DOCK1: variants seen among roughly 807,000 people sequenced by gnomAD.
The protein encoded by DOCK1 is dedicator of cytokinesis protein 1.
In DOCK1, 138 loss-of-function variants were observed where a neutral mutation model predicts 262.7. The ratio of observed to expected loss-of-function variants is 0.53; its 90% CI spans 0.46 to 0.61. The LOEUF is 0.61. DOCK1 is among the 20% of genes least tolerant of loss of function. DOCK1 has a pLI of 0.00. For missense variants in DOCK1, 1,908 were observed against 2,370.7 expected, an observed-to-expected ratio of 0.80 and a Z score of 4.05; for synonymous variants, 866 against 867.4, an observed-to-expected ratio of 1.00 and a Z score of 0.03.
chr10:126,981,406 G>A (rs1164874969), intron 3 of DOCK1, among the ~76,000 whole-genome samples: 2 of 152,200 alleles, frequency 1.3e-5, no homozygotes, highest in African/African-American at 4.8e-5. Flanking sequence ...GTACCCCCAG[G>A]TGTTGTGCAG....
chr10:127,308,109 A>T (rs542748481), intron 29 of DOCK1, among the ~76,000 whole-genome samples: 1 of 152,260 alleles, frequency 6.6e-6, no homozygotes, highest in South Asian at 2.1e-4. Context: ...CCTTCCTTCA[A>T]TTCTGTTGAT....
intron 46 of DOCK1, among the ~76,000 whole-genome samples, chr10:127,420,068 A>G (rs972293811): frequency 6.6e-6 from 1 of 152,210 alleles, no homozygotes; most frequent in Non-Finnish European, 1.5e-5. Context: ...GCTCAGAGCC[A>G]TGAAGCCTTG....
At chr10:127,050,987 A>G (rs1429580072) in intron 21 of DOCK1, among the ~76,000 whole-genome samples, 2 of 152,126 alleles carry the variant, frequency 1.3e-5, no homozygotes, top group African/African-American at 2.4e-5. Context: ...AAACCTATCT[A>G]TGAATTAAAC....
chr10:127,183,984 C>G (rs956297957), intron 27 of DOCK1, among the ~76,000 whole-genome samples: 14 of 152,092 alleles, frequency 9.2e-5, no homozygotes, highest in African/African-American at 3.4e-4. Context: ...AAAGTTTCAT[C>G]TAATGTCTTC....
intron 27 of DOCK1, among the ~76,000 whole-genome samples, chr10:127,209,138 GT>G (rs2057856323): frequency 6.6e-6 from 1 of 151,490 alleles, no homozygotes; most frequent in African/African-American, 2.4e-5. Flanking sequence ...CAGTTCCTTG[GT>G]TTTTAACTTT....
At chr10:127,359,064 G>T (rs1372898745) in intron 32 of DOCK1, among the ~76,000 whole-genome samples, 1 of 151,886 alleles carries the variant, frequency 6.6e-6, no homozygotes, top group Non-Finnish European at 1.5e-5. Context: ...AGTCACCTTG[G>T]TCCTCATTGG....
chr10:127,038,043 G>A (rs1224740451), intron 19 of DOCK1, among the ~76,000 whole-genome samples: 2 of 151,998 alleles, frequency 1.3e-5, no homozygotes, highest in Non-Finnish European at 2.9e-5. Flanking sequence ...AGACCACCCT[G>A]ACCAACATGG....
intron 10 of DOCK1, chr10:127,000,761 G>T: frequency 9.7e-6 from 1 of 102,852 alleles, no homozygotes; most frequent in South Asian, 2.4e-4. Context: ...TCTCCGCCAT[G>T]TTGGTGTTCT....
chr10:127,422,158 C>CTTTTT lies in DOCK1; in HGVS notation c.4776+2432_4776+2436dup, dbSNP rs35535729. Among the ~76,000 whole-genome samples the CTTTTT allele has an allele frequency of 6.5e-4, 40 of 61,382 alleles. 7 individuals carry two copies. Among genetic ancestry groups the CTTTTT allele is most frequent in the East Asian group, 9.6e-4 (2 of 2,076 alleles). The allele number at this position is 61,382 out of a possible 152,430, so 40.3% of individuals were successfully genotyped here. ...CAACAAGACTTGTTATTTTGTTTGT[C>CTTTTT]TTTTTTTTTTTTTTTTTTTTTTTTT... On this transcript the variant is annotated intron_variant, in intron 46 of 51. Coordinates refer to ENST00000623213, the MANE Select transcript of DOCK1 (RefSeq NM_001290223.2).
chr10:127,434,157 T>C (rs375288780), intron 48 of DOCK1, among the ~76,000 whole-genome samples: 1 of 152,032 alleles, frequency 6.6e-6, no homozygotes, highest in East Asian at 1.9e-4. Flanking sequence ...TTCTTTTTTT[T>C]TTTTCTTTTC....
In DOCK1 at chr10:126,961,359, G is replaced by A. The variant is rs890748738; in HGVS notation, c.47-9343G>A. ...TCCCAGCACTTTGGGAGGCTGAGGCGGGCGGATCACTTGAGGTCAGGAGTT... is the reference window on the plus strand; with the variant it reads ...TCCCAGCACTTTGGGAGGCTGAGGCAGGCGGATCACTTGAGGTCAGGAGTT... On this transcript the variant is annotated intron_variant, in intron 1 of 51. Coordinates refer to ENST00000623213, the MANE Select transcript of DOCK1 (RefSeq NM_001290223.2). Among the ~76,000 whole-genome samples the A allele has an allele frequency of 3.9e-5, 6 of 152,206 alleles. No individual in the cohort carries two copies. In the East Asian group the frequency reaches 5.8e-4, roughly 15 times the overall value.
At chr10:127,438,965 AC>A in intron 48 of DOCK1, 61 bp from the exon 49 acceptor site, 1 of 1,459,490 alleles carries the variant, frequency 6.9e-7, no homozygotes, top group Non-Finnish European at 9.2e-7. Context: ...GTGACTTTAC[AC>A]GTGTCTGTGG....
intron 27 of DOCK1, among the ~76,000 whole-genome samples, chr10:127,212,271 C>G (rs1341388477): frequency 6.6e-6 from 1 of 152,136 alleles, no homozygotes; most frequent in Admixed American, 6.5e-5. Context: ...TCTTTGCTCT[C>G]AAGTAAAAGT....
At chr10:127,303,031 C>T (rs887179819) in intron 29 of DOCK1, among the ~76,000 whole-genome samples, 1 of 152,070 alleles carries the variant, frequency 6.6e-6, no homozygotes, top group Non-Finnish European at 1.5e-5. Flanking sequence ...AACACCATGT[C>T]CTGTTAAGGA....
chr10:126,939,123 C>T (rs888472705), intron 1 of DOCK1, among the ~76,000 whole-genome samples: 5 of 151,834 alleles, frequency 3.3e-5, no homozygotes, highest in Non-Finnish European at 4.4e-5. Flanking sequence ...GGATGAACAC[C>T]GGAAGGGATG....
chr10:126,949,103 G>T (rs1420973155), intron 1 of DOCK1, among the ~76,000 whole-genome samples: 2 of 152,092 alleles, frequency 1.3e-5, no homozygotes, highest in Admixed American at 6.5e-5. Flanking sequence ...GGGGGGAGGT[G>T]CATCCTGCCC....
chr10:126,928,240 G>A (rs1018449541), intron 1 of DOCK1, among the ~76,000 whole-genome samples: 5 of 152,220 alleles, frequency 3.3e-5, no homozygotes, highest in African/African-American at 1.2e-4. Context: ...GCATGAGCTC[G>A]TGGGACCCAT....
intron 27 of DOCK1, 113 bp from the exon 28 acceptor site, chr10:127,247,895 A>G (rs1564932337): frequency 5.1e-6 from 5 of 978,276 alleles, no homozygotes; most frequent in African/African-American, 1.6e-5. Context: ...CTCCCTGCCC[A>G]TGCCCCGTTG....
chr10:126,955,963 G>A lies in DOCK1; in HGVS notation c.47-14739G>A, dbSNP rs1187221597. Among the ~76,000 whole-genome samples, 3 of 152,296 alleles carry A rather than the reference G, an allele frequency of 2.0e-5. No individual in the cohort carries two copies. The East Asian group carries it at 5.8e-4, about 29-fold the overall frequency. On this transcript the variant is annotated intron_variant, in intron 1 of 51. Coordinates refer to ENST00000623213, the MANE Select transcript of DOCK1 (RefSeq NM_001290223.2). ...TTGGGTGAGACCTGTCCATATGCCT[G>A]TTAAAACAGATGACAAAGGCAGGCA... is the stretch of plus-strand genomic sequence containing the variant.
Sources: allele counts gnomAD v4.1 joint callset (sites outside exome capture counted in the v4.1 genomes callset), GRCh38; gene constraint gnomAD v4.1.1; transcripts MANE v1.5; gene names NCBI Gene and HGNC (gene_info 2026-07-23, HGNC 2026-07-21).